Variants in NOS1 observed in about 807,000 individuals in gnomAD.
NOS1 encodes the protein nitric oxide synthase 1.
Under a neutral mutation model 164.5 loss-of-function variants are expected in NOS1, and 51 were observed. The ratio of observed to expected loss-of-function variants is 0.31; its 90% CI spans 0.25 to 0.39. The LOEUF (loss-of-function observed/expected upper bound fraction) is 0.39. Among genes scored for constraint, NOS1 ranks in the 10% least tolerant of loss-of-function variants. The pLI, the probability that NOS1 is intolerant of heterozygous loss-of-function variation, is 1.00. For missense variants in NOS1, 1,362 were observed against 1,885.6 expected (o/e 0.72, Z 5.14); for synonymous variants, 719 against 745.8 (o/e 0.96, Z 0.59).
intron 3 of NOS1, among the ~76,000 whole-genome samples, chr12:117,297,330 T>C (rs558614541): frequency 2.6e-5 from 4 of 151,978 alleles, no homozygotes; most frequent in Non-Finnish European, 4.4e-5. Flanking sequence ...GAACTGAGAG[T>C]CTCTGGGTAG....
intron 11 of NOS1, 59 bp downstream of exon 11, chr12:117,267,984 C>G: frequency 8.1e-7 from 1 of 1,230,358 alleles, no homozygotes; most frequent in Non-Finnish European, 1.2e-6. Flanking sequence ...CATCAAGGCT[C>G]TGAAAGGTTT....
At chr12:117,347,541 C>T (rs1876411345) in intron 1 of NOS1, among the ~76,000 whole-genome samples, 1 of 152,128 alleles carries the variant, frequency 6.6e-6, no homozygotes, top group South Asian at 2.1e-4. Flanking sequence ...ATAAGTATTT[C>T]ACTATAGGCC....
In NOS1 at chr12:117,225,124, G is replaced by A. The variant is rs1287362879; in HGVS notation, c.3718C>T (p.His1240Tyr). 10 of 1,613,098 alleles carry A rather than the reference G, an allele frequency of 6.2e-6. No homozygotes were observed. Among genetic ancestry groups the A allele is most frequent in the African/African-American group, 1.3e-5 (1 of 75,038 alleles). Residue 1240 changes from histidine (H) to tyrosine (Y), a missense_variant, in exon 25 of 29, where the codon CAC (histidine) becomes TAC (tyrosine). This residue lies in a region of NOS1 where 737 missense variants were observed against 1,030.3 expected (regional missense o/e 0.72). Coordinates refer to ENST00000317775, the MANE Select transcript of NOS1 (RefSeq NM_000620.5). ...GGGACTTGGGGGTTCCGGGGCAGGT[G>A]GAAGCTGGGTGCTCTGGGCAAGGAA... ...PCFVRGAPSFHLPRNPQVPCI... is the reference protein window; with the variant it reads ...PCFVRGAPSFYLPRNPQVPCI...
Position 117,227,424 on chromosome 12 carries a change from C to T in NOS1, c.3616+7G>A, listed in dbSNP as rs756229835. The T allele has an allele frequency of 2.2e-5, 36 of 1,613,352 alleles. No individual in the cohort carries two copies. Among genetic ancestry groups the T allele is most frequent in the East Asian group, 6.7e-5 (3 of 44,872 alleles). On this transcript the variant is annotated splice_region_variant and intron_variant, in intron 23 of 28. Coordinates refer to ENST00000317775, the MANE Select transcript of NOS1 (RefSeq NM_000620.5). ...GCTGAGGAGGCTCTCCCAGTGCCTC[C>T]GCCCACCTCGAGTGCGGTAGGAAAC...
At chr12:117,222,916 G>T in intron 25 of NOS1, 53 bp from the exon 26 acceptor site, 2 of 1,579,668 alleles carry the variant, frequency 1.3e-6, no homozygotes, top group Non-Finnish European at 1.7e-6. Context: ...TGATGTGCAG[G>T]GTGGCTGAGG....
intron 20 of NOS1, among the ~76,000 whole-genome samples, chr12:117,237,035 A>G (rs911691997): frequency 2.6e-5 from 4 of 152,222 alleles, no homozygotes; most frequent in Non-Finnish European, 5.9e-5. Flanking sequence ...ACCTTGGTGG[A>G]CTGGTCTTTG....
chr12:117,259,800 C>T (rs1871740669), intron 14 of NOS1, among the ~76,000 whole-genome samples: 1 of 152,168 alleles, frequency 6.6e-6, no homozygotes, highest in Admixed American at 6.5e-5. Context: ...ATTACAGGCT[C>T]TGGGAAGTCC....
chr12:117,224,928 C>G (rs1868521338), intron 25 of NOS1, 88 bp downstream of exon 25: 1 of 1,553,626 alleles, frequency 6.4e-7, no homozygotes, highest in African/African-American at 1.4e-5. Flanking sequence ...GGAGAGACAC[C>G]TTCACTGTTC....
chr12:117,229,051 G>T (rs1868957578), intron 22 of NOS1, among the ~76,000 whole-genome samples: 1 of 152,200 alleles, frequency 6.6e-6, no homozygotes, highest in Non-Finnish European at 1.5e-5. Context: ...AAAGTGCTGG[G>T]ATTATAGGCA....
intron 25 of NOS1, among the ~76,000 whole-genome samples, chr12:117,224,226 G>A (rs779013139): frequency 2.6e-5 from 4 of 152,030 alleles, no homozygotes; most frequent in African/African-American, 4.8e-5. Context: ...ATGCCCCAAC[G>A]CCTCCAATAG....
At position 117,214,737 on chromosome 12, in the gene NOS1, A is replaced by G; in HGVS notation, c.*572T>C. The stretch of plus-strand genomic sequence containing the variant: ...CACGAGGGATTAATATGGGCCAGGG[A>G]CACGTTTCTTGGCATTGAGGGTCTT... On this transcript the variant is annotated 3_prime_UTR_variant, in exon 29 of 29. Transcript: ENST00000317775. 9 of 985,318 alleles carry G rather than the reference A, an allele frequency of 9.1e-6. No individual in the cohort carries two copies. Among genetic ancestry groups the G allele is most frequent in the Non-Finnish European group, 1.1e-5 (9 of 829,956 alleles). The allele number at this position is 985,318 out of a possible 1,614,324, so 61.0% of individuals were successfully genotyped here. A position where few individuals can be genotyped will look rare whatever the true frequency, so the allele number is the denominator to read the frequency against.
intron 7 of NOS1, 76 bp from the exon 8 acceptor site, chr12:117,280,942 C>T: frequency 6.6e-7 from 1 of 1,524,548 alleles, no homozygotes; most frequent in Non-Finnish European, 8.9e-7. Context: ...ATGGCGCCAC[C>T]CAGGGCGACA....
intron 9 of NOS1, among the ~76,000 whole-genome samples, chr12:117,273,238 C>T (rs1872922747): frequency 6.6e-6 from 1 of 152,092 alleles, no homozygotes; most frequent in Non-Finnish European, 1.5e-5. Flanking sequence ...ATCATAAGCA[C>T]CGTGGGGGCA....
At chr12:117,231,869 T>A (rs1869262199) in intron 22 of NOS1, 93 bp downstream of exon 22, 2 of 1,344,114 alleles carry the variant, frequency 1.5e-6, no homozygotes, top group African/African-American at 1.5e-5. Flanking sequence ...AAGACTTCCA[T>A]CTGCTGGAAG....
intron 13 of NOS1, 151 bp from the exon 14 acceptor site, chr12:117,260,760 G>T: frequency 1.6e-5 from 10 of 641,696 alleles, no homozygotes. Flanking sequence ...TTCCTCAGAG[G>T]CACTTGAAGT....
chr12:117,360,765 G>T (rs1275052043), intron 1 of NOS1, among the ~76,000 whole-genome samples: 1 of 152,248 alleles, frequency 6.6e-6, no homozygotes, highest in Non-Finnish European at 1.5e-5. Flanking sequence ...ACCGAGGAAG[G>T]CGTAAAGTTG....
chr12:117,295,637 A>ATTTTT (rs1592998767), intron 3 of NOS1, among the ~76,000 whole-genome samples: 1 of 42,248 alleles, frequency 2.4e-5, no homozygotes, highest in Non-Finnish European at 5.2e-5. Context: ...TTTTTTTTTG[A>ATTTTT]GACAGAGTCT....
chr12:117,226,864 C>T, intron 23 of NOS1, 94 bp from the exon 24 acceptor site: 1 of 893,316 alleles, frequency 1.1e-6, no homozygotes, highest in Non-Finnish European at 1.8e-6. Flanking sequence ...AGGCCCAGTG[C>T]CAAGTTTATC....
In NOS1 at chr12:117,297,512, C is replaced by T. The variant is rs1371480042; in HGVS notation, c.853-7086G>A. 2.0e-5 allele frequency among the ~76,000 whole-genome samples: 3 copies of T among 152,162 alleles called. No homozygotes were observed. In the South Asian group the frequency reaches 6.2e-4, roughly 32 times the overall value. On this transcript the variant is annotated intron_variant, in intron 3 of 28. Coordinates refer to ENST00000317775, the MANE Select transcript of NOS1 (RefSeq NM_000620.5). ...GTTCAAATGATTCTCCTGCCTCAGC[C>T]TCCTGAGTAGCTGGGATTACAGGCA...
Sources: allele counts gnomAD v4.1 joint callset (sites outside exome capture counted in the v4.1 genomes callset), GRCh38; gene constraint gnomAD v4.1.1; regional missense constraint gnomAD v4.1.1; transcripts MANE v1.5; gene names NCBI Gene and HGNC (gene_info 2026-07-23, HGNC 2026-07-21).